The following MYO1E variants were observed in gnomAD, a reference collection of about 807,000 sequenced individuals.
The protein encoded by MYO1E is unconventional myosin-Ie.
Under a neutral mutation model 151.1 loss-of-function variants are expected in MYO1E, and 68 were observed. The observed-to-expected ratio is 0.45, with a 90% CI of 0.37 to 0.55. MYO1E has a LOEUF of 0.55. Among genes scored for constraint, MYO1E ranks in the 20% least tolerant of loss-of-function variants. MYO1E has a pLI of 0.00. For synonymous variants in MYO1E, 601 were observed against 501.7 expected (o/e 1.20, Z -2.64); for missense variants, 1,363 against 1,389.3 (o/e 0.98, Z 0.30).
intron 25 of MYO1E, among the ~76,000 whole-genome samples, chr15:59,154,415 A>G (rs1486095709): frequency 6.6e-6 from 1 of 152,262 alleles, no homozygotes; most frequent in Non-Finnish European, 1.5e-5. Context: ...TTAAAATCGC[A>G]TTAGCCAATA....
chr15:59,303,973 CTTTTCTTTCTT>C (rs1260246370), intron 1 of MYO1E, among the ~76,000 whole-genome samples: 1 of 146,106 alleles, frequency 6.8e-6, no homozygotes, highest in Non-Finnish European at 1.5e-5. Flanking sequence ...TTTTCATTTT[CTTTTCTTTCTT>C]TTTTTTTTTT....
chr15:59,199,838 T>C (rs1465365207), intron 16 of MYO1E, among the ~76,000 whole-genome samples: 2 of 152,190 alleles, frequency 1.3e-5, no homozygotes, highest in African/African-American at 4.8e-5. Flanking sequence ...TTACTGTAGA[T>C]ATGGAACGTA....
At chr15:59,249,760 C>T (rs964929838) in intron 4 of MYO1E, among the ~76,000 whole-genome samples, 1 of 152,156 alleles carries the variant, frequency 6.6e-6, no homozygotes, top group Non-Finnish European at 1.5e-5. Context: ...CTTCCAGCCT[C>T]CAAGAAAATG....
intron 14 of MYO1E, chr15:59,207,399 A>G (rs1415970912): frequency 6.2e-7 from 1 of 1,614,052 alleles, no homozygotes; most frequent in East Asian, 2.2e-5. Context: ...AAAAGGGAGA[A>G]ACGCGCCTTA....
intron 1 of MYO1E, among the ~76,000 whole-genome samples, chr15:59,295,894 C>T (rs1196146981): frequency 2.0e-5 from 3 of 152,052 alleles, no homozygotes; most frequent in South Asian, 2.1e-4. Context: ...TCACTTACTG[C>T]GGGGTTATTA....
rs934550064 is a variant in MYO1E at position 59,221,111 on chromosome 15, G to T, written c.910+1948C>A. Among the ~76,000 whole-genome samples the T allele has an allele frequency of 2.0e-5, 3 of 148,956 alleles. No individual in the cohort carries two copies. The South Asian group carries it at 6.3e-4, about 31-fold the overall frequency. ...CTCGCTCGTTGCCCAGGGTTCAAAC[G>T]ATTCTCCTGCCTCAGCCTCCAGAGT... is the stretch of plus-strand genomic sequence containing the variant. On this transcript the variant is annotated intron_variant, in intron 9 of 27. Transcript: ENST00000288235.
At chr15:59,259,255 T>C (rs1467343793) in intron 3 of MYO1E, among the ~76,000 whole-genome samples, 2 of 152,196 alleles carry the variant, frequency 1.3e-5, no homozygotes, top group Non-Finnish European at 2.9e-5. Flanking sequence ...GAACAAAGAC[T>C]CTAGGTTACT....
intron 1 of MYO1E, among the ~76,000 whole-genome samples, chr15:59,272,906 A>G (rs183975865): frequency 2.6e-5 from 4 of 152,366 alleles, no homozygotes; most frequent in Admixed American, 2.0e-4. Context: ...CTTGTTTTGC[A>G]AACTACATGA....
At chr15:59,170,338 G>T (rs1353305782) in intron 22 of MYO1E, among the ~76,000 whole-genome samples, 1 of 152,196 alleles carries the variant, frequency 6.6e-6, no homozygotes, top group Non-Finnish European at 1.5e-5. Context: ...CTAGAGCTGT[G>T]GTTCCCTGAC....
At chr15:59,361,026 T>C (rs1016404945) in intron 1 of MYO1E, among the ~76,000 whole-genome samples, 6 of 152,168 alleles carry the variant, frequency 3.9e-5, no homozygotes, top group Non-Finnish European at 8.8e-5. Context: ...CCCTGGAGCT[T>C]GTACCCTTGC....
chr15:59,324,362 C>A (rs924539481), intron 1 of MYO1E, among the ~76,000 whole-genome samples: 7 of 152,138 alleles, frequency 4.6e-5, no homozygotes, highest in African/African-American at 1.7e-4. Flanking sequence ...AGGGGGCCAC[C>A]CCTCGCCTAT....
At chr15:59,198,770 G>T (rs1372621374) in intron 16 of MYO1E, among the ~76,000 whole-genome samples, 2 of 151,308 alleles carry the variant, frequency 1.3e-5, no homozygotes, top group Non-Finnish European at 2.9e-5. Context: ...AGTGAGCCAA[G>T]ATCGCATCAC....
chr15:59,180,071 G>C (rs1481922717), intron 18 of MYO1E, among the ~76,000 whole-genome samples: 1 of 152,226 alleles, frequency 6.6e-6, no homozygotes, highest in Non-Finnish European at 1.5e-5. Flanking sequence ...GTGATTTTAG[G>C]AGCCTTCTCT....
intron 1 of MYO1E, among the ~76,000 whole-genome samples, chr15:59,343,408 T>C (rs2080776656): frequency 6.6e-6 from 1 of 152,196 alleles, no homozygotes; most frequent in Non-Finnish European, 1.5e-5. Context: ...ATGTTATTTG[T>C]TTATTTTCTG....
At chr15:59,185,867 C>T (rs1246700171) in intron 18 of MYO1E, among the ~76,000 whole-genome samples, 1 of 152,094 alleles carries the variant, frequency 6.6e-6, no homozygotes, top group African/African-American at 2.4e-5. Context: ...TGGGTGGAGG[C>T]CAAGAAGGCT....
intron 15 of MYO1E, among the ~76,000 whole-genome samples, chr15:59,204,744 C>G (rs1398894971): frequency 6.6e-6 from 1 of 152,190 alleles, no homozygotes; most frequent in Non-Finnish European, 1.5e-5. Context: ...CCAGAGTTCT[C>G]AAGCCATTTC....
rs944006770 is a variant in MYO1E at position 59,271,219 on chromosome 15, G to A, written c.147+1087C>T. The stretch of plus-strand genomic sequence containing the variant: ...CGCTGCAAAAGTTATTACTGCAAAG[G>A]TTCCCGTGCTTTTAGCTAATAGTCA... On this transcript the variant is annotated intron_variant, in intron 2 of 27. Coordinates refer to ENST00000288235, the MANE Select transcript of MYO1E (RefSeq NM_004998.4). 5 of 152,284 alleles carry A rather than the reference G, an allele frequency of 3.3e-5. No homozygotes were observed. The East Asian group carries it at 9.6e-4, about 29-fold the overall frequency. The allele number at this position is 152,284 out of a possible 1,614,324, so 9.4% of individuals were successfully genotyped here. A position where few individuals can be genotyped will look rare whatever the true frequency, so the allele number is the denominator to read the frequency against.
chr15:59,148,174 A>G (rs2079453379), intron 26 of MYO1E, among the ~76,000 whole-genome samples: 1 of 152,230 alleles, frequency 6.6e-6, no homozygotes, highest in Admixed American at 6.5e-5. Context: ...ACAGGTGAAG[A>G]CACCAAGAGT....
chr15:59,317,704 C>T (rs1208558744), intron 1 of MYO1E, among the ~76,000 whole-genome samples: 1 of 152,096 alleles, frequency 6.6e-6, no homozygotes, highest in Admixed American at 6.5e-5. Flanking sequence ...AACTGGGGGA[C>T]AGATTTAGGA....
Sources: gnomAD v4.1 joint callset for allele counts (sites outside exome capture counted in the v4.1 genomes callset) on GRCh38, gnomAD v4.1.1 for gene constraint, MANE v1.5 for transcripts, NCBI Gene and HGNC (gene_info 2026-07-23, HGNC 2026-07-21) for gene names.